Variants in ANKRD13D observed in about 807,000 individuals in gnomAD.
ANKRD13D encodes ankyrin repeat domain-containing protein 13D.
ANKRD13D carries 24 observed loss-of-function variants against 68.8 expected under a neutral mutation model. The ratio of observed to expected loss-of-function variants is 0.35; its 90% CI spans 0.25 to 0.49. The LOEUF (loss-of-function observed/expected upper bound fraction) is 0.49, where lower values mean the gene tolerates loss of function less well. Ranked by LOEUF, ANKRD13D falls within the 20% of genes least tolerant of loss-of-function variation. The probability of loss-of-function intolerance (pLI) is 0.99; values close to 1 mark genes in which losing one functional copy is unlikely to be tolerated. For missense variants in ANKRD13D, 735 were observed against 832.1 expected, an observed-to-expected ratio of 0.88 and a Z score of 1.44; for synonymous variants, 331 against 336.1, an observed-to-expected ratio of 0.98 and a Z score of 0.16.
Position 67,301,025 on chromosome 11 carries a change from C to A in ANKRD13D, c.1109C>A (p.Pro370Gln), listed in dbSNP as rs1860961117. The change falls in exon 11 of 15, where the codon CCG becomes CAG. Residue 370 changes from proline (P) to glutamine (Q), a missense_variant. Transcript: ENST00000511455. This position sits in a 1 kb window ranked among gnomAD's most constrained non-coding sequence, Gnocchi z 4.5. ...KATLWLSEEH[P>Q]LSLGDQVTPI... ...ACACTGTGGCTGAGTGAAGAGCACC[C>A]GCTCTCCCTGGGTGACCAGGTGACC... The A allele has an allele frequency of 1.2e-6, 2 of 1,613,950 alleles. No individual in the cohort carries two copies. Among genetic ancestry groups the A allele is most frequent in the South Asian group, 2.2e-5 (2 of 91,088 alleles).
At chr11:67,289,847 C>A in intron 1 of ANKRD13D, 1 of 1,426,258 alleles carries the variant, frequency 7.0e-7, no homozygotes, top group South Asian at 1.5e-5. Flanking sequence ...AAACTCCTGA[C>A]AACCTGCAGC....
chr11:67,299,701 G>A lies in ANKRD13D; in HGVS notation c.880+90G>A. 3 of 1,518,062 alleles carry A rather than the reference G, an allele frequency of 2.0e-6. No homozygotes were observed. Among genetic ancestry groups the A allele is most frequent in the Admixed American group, 2.0e-5 (1 of 50,544 alleles). The allele number at this position is 1,518,062 out of a possible 1,614,324, so 94.0% of individuals were successfully genotyped here. A position where few individuals can be genotyped will look rare whatever the true frequency, so the allele number is the denominator to read the frequency against. ...ATTAGGGGCCAGAGTTTCCCAGGAT[G>A]AGCTGGGAGGCCTCCCCATTCCCGT... On this transcript the variant is annotated intron_variant, in intron 8 of 14. Coordinates refer to ENST00000511455, the MANE Select transcript of ANKRD13D (RefSeq NM_207354.3). This position sits in a 1 kb window ranked among gnomAD's most constrained non-coding sequence, Gnocchi z 6.2.
intron 6 of ANKRD13D, among the ~76,000 whole-genome samples, chr11:67,292,473 G>A (rs775419914): frequency 1.1e-4 from 16 of 152,074 alleles, no homozygotes; most frequent in Non-Finnish European, 1.9e-4. Flanking sequence ...GTGGTTCACG[G>A]CAGCTCTTTG....
At chr11:67,295,059 G>A (rs573805683) in intron 6 of ANKRD13D, among the ~76,000 whole-genome samples, 2 of 151,848 alleles carry the variant, frequency 1.3e-5, no homozygotes, top group Admixed American at 1.3e-4. Flanking sequence ...TTCCAATTTA[G>A]GTGCCTTTTG....
rs753090373 is a variant in ANKRD13D at position 67,291,713 on chromosome 11, C to T, written c.508C>T (p.Arg170Trp). ...LLGFEHMTWQ[R>W]GRRSFIFKGQ... ...GGGCTTCGAGCACATGACCTGGCAG[C>T]GGGGCCGGAGGAGCTTCATCTTCAA... The change falls in exon 5 of 15, where the codon CGG becomes TGG. Residue 170 changes from arginine to tryptophan, a missense_variant. Physicochemically the swap from Arg to Trp is moderately radical, Grantham distance 101. Transcript: ENST00000511455. The T allele has an allele frequency of 1.2e-5, 20 of 1,613,910 alleles. No homozygotes were observed. In the Admixed American group the frequency reaches 2.0e-4, roughly 16 times the overall value.
rs1860896003 is a variant in ANKRD13D at position 67,299,635 on chromosome 11, C to T, written c.880+24C>T. The T allele has an allele frequency of 3.2e-6, 5 of 1,549,836 alleles. No individual in the cohort carries two copies. In the East Asian group the frequency reaches 1.2e-4, roughly 38 times the overall value. ...AGGTAAACCCAGGTGCGCCTGCCTG[C>T]TGCCCGGTCACACCGTGTGGTGGGG... is the stretch of plus-strand genomic sequence containing the variant. On this transcript the variant is annotated intron_variant, in intron 8 of 14. Coordinates refer to ENST00000511455, the MANE Select transcript of ANKRD13D (RefSeq NM_207354.3). This position sits in a 1 kb window ranked among gnomAD's most constrained non-coding sequence, Gnocchi z 6.2.
chr11:67,290,079 AC>A lies in ANKRD13D; in HGVS notation c.93del (p.His31GlnfsTer26). On this transcript the variant is annotated frameshift_variant and splice_region_variant, in exon 2 of 15. Coordinates refer to ENST00000511455, the MANE Select transcript of ANKRD13D (RefSeq NM_207354.3). LOFTEE classifies it high-confidence loss of function. The part of the protein sequence containing the change: ...ELEAALHSHQ[H>X]DIEQEDPRGR... Reference sequence around the variant, plus strand: ...TTGTGAGTGTCCCGTCTCCCCCAGCACGACATTGAACAGGAGGACCCCCGCG... The same window carrying A: ...TTGTGAGTGTCCCGTCTCCCCCAGCAGACATTGAACAGGAGGACCCCCGCG... 1 of 1,536,828 alleles carries A rather than the reference AC, an allele frequency of 6.5e-7. No homozygotes were observed. Among genetic ancestry groups the A allele is most frequent in the Non-Finnish European group, 8.7e-7 (1 of 1,146,712 alleles).
chr11:67,301,577 C>T lies in ANKRD13D; in HGVS notation c.1438C>T (p.Arg480Trp), dbSNP rs775433313. 8.1e-6 allele frequency: 13 copies of T among 1,612,946 alleles called. No homozygotes were observed. Among genetic ancestry groups the T allele is most frequent in the South Asian group, 1.1e-5 (1 of 91,080 alleles). ...GGGCATGGAGCGCAACGAGCCCCTC[C>T]GGGACGAGGACGATGACCTCCTGCA... The part of the protein sequence containing the change: ...VLGMERNEPL[R>W]DEDDDLLQFA... Residue 480 changes from arginine to tryptophan, a missense_variant, in exon 13 of 15, where the codon CGG becomes TGG. By Grantham distance (101) the Arg-to-Trp change is moderately radical. Transcript: ENST00000511455. The surrounding 1 kb of genome is among the most constrained non-coding windows in gnomAD (Gnocchi z 4.5).
At position 67,290,456 on chromosome 11, in the gene ANKRD13D, G is replaced by A. The variant is rs1297514330; in HGVS notation, c.351+10G>A. 1 of 1,569,130 alleles carries A rather than the reference G, an allele frequency of 6.4e-7. No homozygotes were observed. The highest frequency in any genetic ancestry group is 1.9e-5 in the Admixed American group (1 of 53,038). On this transcript the variant is annotated intron_variant, in intron 3 of 14. Transcript: ENST00000511455. ...CAACAAACTTCGCCAGGTACAGCAG[G>A]GCACAGTTATGGAGGTGGGGTACCA...
chr11:67,291,168 G>A, intron 3 of ANKRD13D: 1 of 344,796 alleles, frequency 2.9e-6, no homozygotes, highest in South Asian at 3.0e-5. Context: ...GACCAGCCTG[G>A]GCAACATGGT....
intron 3 of ANKRD13D, 133 bp from the exon 4 acceptor site, chr11:67,291,343 G>A (rs898024131): frequency 1.0e-6 from 1 of 961,478 alleles, no homozygotes; most frequent in East Asian, 2.7e-5. Flanking sequence ...GGGTGACAGA[G>A]CAAGTCTCAA....
chr11:67,297,742 G>A (rs894825128), intron 6 of ANKRD13D: 2 of 145,734 alleles, frequency 1.4e-5, no homozygotes, highest in African/African-American at 5.1e-5. Flanking sequence ...AGCCAGGATG[G>A]TCTCCATCTC....
intron 6 of ANKRD13D, among the ~76,000 whole-genome samples, chr11:67,294,027 G>A (rs1860675114): frequency 1.3e-5 from 2 of 152,142 alleles, no homozygotes; most frequent in African/African-American, 4.8e-5. Context: ...CACCCTTGTC[G>A]AAAATCAGTT....
chr11:67,289,973 C>T (rs1458754166), intron 1 of ANKRD13D, 105 bp from the exon 2 acceptor site: 36 of 1,464,910 alleles, frequency 2.5e-5, no homozygotes, highest in Non-Finnish European at 2.9e-5. Flanking sequence ...CTGGTCAGTC[C>T]GCCGTCCTTA....
chr11:67,301,171 G>A lies in ANKRD13D; in HGVS notation c.1231+24G>A, dbSNP rs141739795. On this transcript the variant is annotated intron_variant, in intron 11 of 14. Transcript: ENST00000511455. The surrounding 1 kb of genome is among the most constrained non-coding windows in gnomAD (Gnocchi z 4.5). The stretch of plus-strand genomic sequence containing the variant: ...TGGTGAGAGGCTGGGCACAGGCAGC[G>A]GGAGGACCTCAGGCATGGCACCCTC... 1.9e-5 allele frequency: 31 copies of A among 1,610,356 alleles called. No individual in the cohort carries two copies. The highest frequency in any genetic ancestry group is 1.2e-4 in the South Asian group (11 of 90,564).
intron 6 of ANKRD13D, among the ~76,000 whole-genome samples, chr11:67,293,049 C>G (rs916332651): frequency 6.6e-6 from 1 of 152,116 alleles, no homozygotes. Context: ...ATTAACCCAT[C>G]GATAGACATT....
chr11:67,292,189 G>C lies in ANKRD13D; in HGVS notation c.731+9G>C, dbSNP rs766706645. Reference sequence around the variant, plus strand: ...AATGTGGCCTTTGAGAGGTCGGTCGGGTCCTGGCACACCGTGGGTGGGATG... The same window carrying C: ...AATGTGGCCTTTGAGAGGTCGGTCGCGTCCTGGCACACCGTGGGTGGGATG... On this transcript the variant is annotated intron_variant, in intron 6 of 14. Transcript: ENST00000511455. 5 of 1,575,368 alleles carry C rather than the reference G, an allele frequency of 3.2e-6. No individual in the cohort carries two copies. In the East Asian group the frequency reaches 1.1e-4, roughly 36 times the overall value.
In ANKRD13D at chr11:67,301,563, G is replaced by A. The variant is rs141392969; in HGVS notation, c.1424G>A (p.Arg475His). 3.4e-4 allele frequency: 547 copies of A among 1,612,858 alleles called. 1 individual carries two copies. Among genetic ancestry groups the A allele is most frequent in the Non-Finnish European group, 4.5e-4 (530 of 1,180,020 alleles). ...GGGTACAGCGTGCTGGGCATGGAGC[G>A]CAACGAGCCCCTCCGGGACGAGGAC... Reference protein sequence around the residue: ...PNGYSVLGMERNEPLRDEDDD... With the variant: ...PNGYSVLGMEHNEPLRDEDDD... Residue 475 changes from arginine (R) to histidine (H), a missense_variant, in exon 13 of 15, where the codon CGC (arginine) becomes CAC (histidine). Physicochemically the swap from Arg to His is conservative, Grantham distance 29. Coordinates refer to ENST00000511455, the MANE Select transcript of ANKRD13D (RefSeq NM_207354.3). The surrounding 1 kb of genome is among the most constrained non-coding windows in gnomAD (Gnocchi z 4.5).
chr11:67,291,386 A>T, intron 3 of ANKRD13D, 90 bp from the exon 4 acceptor site: 2 of 1,078,112 alleles, frequency 1.9e-6, no homozygotes, highest in Non-Finnish European at 2.7e-6. Flanking sequence ...GACCTGATGA[A>T]GGGCTGGGCT....
Sources: allele counts gnomAD v4.1 joint callset (sites outside exome capture counted in the v4.1 genomes callset), GRCh38; gene constraint gnomAD v4.1.1; non-coding constraint Gnocchi (gnomAD v3.1); transcripts MANE v1.5; gene names NCBI Gene and HGNC (gene_info 2026-07-23, HGNC 2026-07-21).